The following RFX3 variants were observed in gnomAD, a reference collection of about 807,000 sequenced individuals.
RFX3 encodes transcription factor RFX3.
Under a neutral mutation model 98.6 loss-of-function variants are expected in RFX3, and 14 were observed. That is an observed-to-expected ratio of 0.14 (90% CI 0.09 to 0.22). The LOEUF is 0.22. Ranked by LOEUF, RFX3 falls within the 10% of genes least tolerant of loss-of-function variation. RFX3 has a pLI of 1.00. For synonymous variants in RFX3, 383 were observed against 328.4 expected, an observed-to-expected ratio of 1.17 and a Z score of -1.80; for missense variants, 639 against 926.9, an observed-to-expected ratio of 0.69 and a Z score of 4.03.
At position 3,504,272 on chromosome 9, in the gene RFX3, T is replaced by A. The variant is rs1055147812; in HGVS notation, c.-9+21475A>T. On this transcript the variant is annotated intron_variant, in intron 1 of 16. Coordinates refer to ENST00000617270, the MANE Select transcript of RFX3 (RefSeq NM_001282116.2). ...ATTTTATATATAATATATACTATAT[T>A]GTATATAACATATAAAATATATATT... Among the ~76,000 whole-genome samples the A allele has an allele frequency of 9.3e-5, 12 of 128,538 alleles. 1 individual carries two copies. Among genetic ancestry groups the A allele is most frequent in the East Asian group, 6.1e-4 (2 of 3,296 alleles). The allele number at this position is 128,538 out of a possible 152,430, so 84.3% of individuals were successfully genotyped here. A position where few individuals can be genotyped will look rare whatever the true frequency, so the allele number is the denominator to read the frequency against.
At chr9:3,517,281 C>T (rs1359076783) in intron 1 of RFX3, among the ~76,000 whole-genome samples, 2 of 152,148 alleles carry the variant, frequency 1.3e-5, no homozygotes, top group Admixed American at 1.3e-4. Flanking sequence ...TAAGGTTTTA[C>T]AGTTAGAAAT....
intron 4 of RFX3, among the ~76,000 whole-genome samples, chr9:3,305,899 G>C (rs1031497670): frequency 2.0e-5 from 3 of 151,882 alleles, no homozygotes; most frequent in Non-Finnish European, 4.4e-5. Flanking sequence ...CCAATCTCAA[G>C]AAAAAAATGG....
intron 2 of RFX3, among the ~76,000 whole-genome samples, chr9:3,348,517 ATTCT>A (rs1236488278): frequency 6.6e-6 from 1 of 151,650 alleles, no homozygotes; most frequent in African/African-American, 2.4e-5. Context: ...TAATTCTATT[ATTCT>A]TTCTTCATTT....
intron 1 of RFX3, among the ~76,000 whole-genome samples, chr9:3,506,271 A>AAT (rs974222850): frequency 2.6e-5 from 4 of 151,702 alleles, no homozygotes; most frequent in African/African-American, 9.7e-5. Context: ...AAAGGCAGAT[A>AAT]ATCATACCTT....
chr9:3,275,165 T>A (rs1825041690), intron 9 of RFX3, among the ~76,000 whole-genome samples: 1 of 151,902 alleles, frequency 6.6e-6, no homozygotes. Context: ...TTAAAAATAA[T>A]AATGCAACAA....
chr9:3,348,657 A>T (rs991123746), intron 2 of RFX3, among the ~76,000 whole-genome samples: 2 of 152,006 alleles, frequency 1.3e-5, no homozygotes, highest in Non-Finnish European at 2.9e-5. Flanking sequence ...ACTGAAAATG[A>T]CTTTATCCCC....
intron 14 of RFX3, among the ~76,000 whole-genome samples, chr9:3,253,256 A>T (rs920015395): frequency 2.0e-5 from 3 of 152,346 alleles, no homozygotes; most frequent in African/African-American, 7.2e-5. Flanking sequence ...TTCAGGTGAG[A>T]ACATCACGCC....
At chr9:3,502,806 C>G (rs1816179578) in intron 1 of RFX3, among the ~76,000 whole-genome samples, 2 of 152,086 alleles carry the variant, frequency 1.3e-5, no homozygotes, top group African/African-American at 4.8e-5. Flanking sequence ...TATGTCGGTT[C>G]TCTTTCCAAA....
chr9:3,264,459 G>C (rs960023754), intron 12 of RFX3, among the ~76,000 whole-genome samples: 7 of 152,140 alleles, frequency 4.6e-5, no homozygotes, highest in Admixed American at 1.3e-4. Flanking sequence ...AGGACTATTT[G>C]GAACTTGGGG....
intron 1 of RFX3, among the ~76,000 whole-genome samples, chr9:3,504,211 T>A (rs1157374928): frequency 8.8e-6 from 1 of 114,042 alleles, no homozygotes; most frequent in African/African-American, 4.7e-5. Flanking sequence ...ATTATATATA[T>A]TATATACTAT....
At chr9:3,442,335 CA>C (rs564751234) in intron 1 of RFX3, among the ~76,000 whole-genome samples, 3 of 149,876 alleles carry the variant, frequency 2.0e-5, no homozygotes, top group Non-Finnish European at 3.0e-5. Context: ...GCACCTCTCC[CA>C]AAAAAAAATC....
At chr9:3,304,706 G>A (rs1013928115) in intron 4 of RFX3, among the ~76,000 whole-genome samples, 4 of 151,966 alleles carry the variant, frequency 2.6e-5, no homozygotes, top group African/African-American at 9.7e-5. Context: ...TGCCATGTAA[G>A]ATGAGTCTTT....
At chr9:3,452,943 T>C (rs946987312) in intron 1 of RFX3, among the ~76,000 whole-genome samples, 2 of 152,114 alleles carry the variant, frequency 1.3e-5, no homozygotes, top group African/African-American at 4.8e-5. Flanking sequence ...AAATCAGCCG[T>C]CTCAAAATAC....
chr9:3,324,751 T>G (rs1587071046), intron 4 of RFX3, among the ~76,000 whole-genome samples: 1 of 151,898 alleles, frequency 6.6e-6, no homozygotes, highest in Non-Finnish European at 1.5e-5. Context: ...TCACCTGAGG[T>G]CAGGAGTTTG....
intron 2 of RFX3, among the ~76,000 whole-genome samples, chr9:3,394,259 C>A (rs547576468): frequency 5.9e-5 from 9 of 152,038 alleles, no homozygotes; most frequent in East Asian, 5.8e-4. Context: ...GTCAGGAGAT[C>A]GAGACCATCC....
At chr9:3,491,409 G>A (rs1439103121) in intron 1 of RFX3, among the ~76,000 whole-genome samples, 4 of 152,052 alleles carry the variant, frequency 2.6e-5, no homozygotes, top group African/African-American at 9.7e-5. Context: ...TTTCTGACAT[G>A]AGGCCTTATA....
chr9:3,365,635 T>A lies in RFX3; in HGVS notation c.118-18871A>T, dbSNP rs78769142. ...TATATTACCTACTTTTTAGGAGAACTGCATTTTACTGATCCCAGTATTCTG... is the reference window on the plus strand; with the variant it reads ...TATATTACCTACTTTTTAGGAGAACAGCATTTTACTGATCCCAGTATTCTG... On this transcript the variant is annotated intron_variant, in intron 2 of 16. Coordinates refer to ENST00000617270, the MANE Select transcript of RFX3 (RefSeq NM_001282116.2). Among the ~76,000 whole-genome samples, 81 of 152,288 alleles carry A rather than the reference T, an allele frequency of 5.3e-4. 2 individuals are homozygous for A. The East Asian group carries it at 0.014, about 26-fold the overall frequency.
At chr9:3,345,009 TAAAAC>T in intron 3 of RFX3, 1 of 571,908 alleles carries the variant, frequency 1.7e-6, no homozygotes, top group East Asian at 3.1e-5. Flanking sequence ...CAAATGTAAA[TAAAAC>T]AAAATGCCAA....
At chr9:3,342,339 C>G (rs979184089) in intron 3 of RFX3, among the ~76,000 whole-genome samples, 1 of 152,034 alleles carries the variant, frequency 6.6e-6, no homozygotes, top group Non-Finnish European at 1.5e-5. Flanking sequence ...GCTTGTGTAA[C>G]CACAGAACTC....
Sources: allele counts gnomAD v4.1 joint callset (sites outside exome capture counted in the v4.1 genomes callset), GRCh38; gene constraint gnomAD v4.1.1; transcripts MANE v1.5; gene names NCBI Gene and HGNC (gene_info 2026-07-23, HGNC 2026-07-21).